PCBD2: variants seen among roughly 807,000 people sequenced by gnomAD.
PCBD2 encodes the protein pterin-4 alpha-carbinolamine dehydratase 2.
A neutral mutation model predicts 16.4 loss-of-function variants in PCBD2; 12 were observed. The observed-to-expected ratio is 0.73, with a 90% confidence interval of 0.47 to 1.19. The LOEUF (loss-of-function observed/expected upper bound fraction) is 1.19, where lower values mean the gene tolerates loss of function less well. Ranked by LOEUF, PCBD2 falls within the 50% of genes most tolerant of loss-of-function variation. PCBD2 has a pLI of 0.00. For missense variants in PCBD2, 138 were observed against 156.8 expected, an observed-to-expected ratio of 0.88 and a Z score of 0.64; for synonymous variants, 58 against 61.8, an observed-to-expected ratio of 0.94 and a Z score of 0.29.
At chr5:134,953,595 G>A (rs1410041820) in intron 2 of PCBD2, among the ~76,000 whole-genome samples, 1 of 152,094 alleles carries the variant, frequency 6.6e-6, no homozygotes, top group African/African-American at 2.4e-5. Context: ...AGGAGTTCAA[G>A]ACCAGCTGGG....
rs537081962 is a variant in PCBD2, at chr5:134,962,493, T to C, written c.*1812T>C. ...GTCTTGAATGCCTGGGCTCAAATGATCTTCCTGCCTTGACCCCCCAAAGTG... is the reference window on the plus strand; with the variant it reads ...GTCTTGAATGCCTGGGCTCAAATGACCTTCCTGCCTTGACCCCCCAAAGTG... On this transcript the variant is annotated 3_prime_UTR_variant, in exon 4 of 4. Transcript: ENST00000254908. Among the ~76,000 whole-genome samples the C allele has an allele frequency of 5.3e-5, 8 of 152,298 alleles. No individual in the cohort carries two copies. The highest frequency in any genetic ancestry group is 1.2e-4 in the Non-Finnish European group (8 of 68,020).
chr5:134,943,275 C>T (rs998890972), intron 2 of PCBD2, among the ~76,000 whole-genome samples: 8 of 152,114 alleles, frequency 5.3e-5, no homozygotes, highest in South Asian at 2.1e-4. Flanking sequence ...CTTGTGACTT[C>T]GGAGCAGTGT....
At chr5:134,945,246 C>G (rs1404081480) in intron 2 of PCBD2, among the ~76,000 whole-genome samples, 2 of 152,146 alleles carry the variant, frequency 1.3e-5, no homozygotes, top group Non-Finnish European at 2.9e-5. Context: ...TGACTTTCCT[C>G]TGATGGGATT....
intron 2 of PCBD2, among the ~76,000 whole-genome samples, chr5:134,943,867 A>G (rs1580891245): frequency 6.6e-6 from 1 of 152,358 alleles, no homozygotes; most frequent in East Asian, 1.9e-4. Context: ...AGATAATTAT[A>G]TATATTTGCC....
Position 134,959,024 on chromosome 5 carries a change from A to G in PCBD2, c.217-16A>G. 1 of 1,607,390 alleles carries G rather than the reference A, an allele frequency of 6.2e-7. No individual in the cohort carries two copies. Among genetic ancestry groups the G allele is most frequent in the Non-Finnish European group, 8.5e-7 (1 of 1,174,186 alleles). On this transcript the variant is annotated splice_polypyrimidine_tract_variant and intron_variant, in intron 2 of 3. Transcript: ENST00000254908. ...AGGACAATGTCAGTAATTACTCTTGACTTCATCTTATGCAGGCATTTGGCT... is the reference window on the plus strand; with the variant it reads ...AGGACAATGTCAGTAATTACTCTTGGCTTCATCTTATGCAGGCATTTGGCT...
intron 2 of PCBD2, among the ~76,000 whole-genome samples, chr5:134,935,270 C>T (rs531748205): frequency 6.6e-5 from 10 of 152,166 alleles, no homozygotes; most frequent in African/African-American, 1.2e-4. Flanking sequence ...CTCTGCTGCC[C>T]GTGCCTGACT....
chr5:134,924,339 G>C, intron 2 of PCBD2: 1 of 396,106 alleles, frequency 2.5e-6, no homozygotes, highest in Non-Finnish European at 4.5e-6. Flanking sequence ...TACTACAGCG[G>C]TGGCTATTGA....
intron 2 of PCBD2, among the ~76,000 whole-genome samples, chr5:134,943,276 G>A (rs982495894): frequency 3.9e-5 from 6 of 152,140 alleles, no homozygotes; most frequent in East Asian, 3.9e-4. Flanking sequence ...TTGTGACTTC[G>A]GAGCAGTGTG....
intron 1 of PCBD2, 115 bp from the exon 2 acceptor site, chr5:134,910,220 G>A (rs780122883): frequency 3.6e-6 from 4 of 1,111,912 alleles, no homozygotes; most frequent in Non-Finnish European, 5.1e-6. Context: ...ATGAAAGATG[G>A]TTAGAATTTG....
chr5:134,905,237 G>C lies in PCBD2; in HGVS notation c.84+14G>C. The C allele has an allele frequency of 1.6e-6, 2 of 1,223,516 alleles. No homozygotes were observed. Among genetic ancestry groups the C allele is most frequent in the Non-Finnish European group, 2.0e-6 (2 of 982,684 alleles). 75.8% of individuals were successfully genotyped at this position (1,223,516 alleles called of 1,614,324 possible). A position where few individuals can be genotyped will look rare whatever the true frequency, so the allele number is the denominator to read the frequency against. ...CTAGCGGCCATGGTGAGTGCACAGCGGCCGCGTGGGTGGGGGTCCGGGGTC... is the reference window on the plus strand; with the variant it reads ...CTAGCGGCCATGGTGAGTGCACAGCCGCCGCGTGGGTGGGGGTCCGGGGTC... On this transcript the variant is annotated intron_variant, in intron 1 of 3. Transcript: ENST00000254908.
At chr5:134,906,564 C>T (rs1312466871) in intron 1 of PCBD2, among the ~76,000 whole-genome samples, 1 of 152,122 alleles carries the variant, frequency 6.6e-6, no homozygotes, top group African/African-American at 2.4e-5. Context: ...AGTTGAGTGC[C>T]TACTGTCACC....
At chr5:134,906,257 G>A (rs757415086) in intron 1 of PCBD2, among the ~76,000 whole-genome samples, 18 of 134,868 alleles carry the variant, frequency 1.3e-4, no homozygotes, top group Admixed American at 2.5e-4. Flanking sequence ...AGGCTGGAGT[G>A]CAGTGGCGCG....
intron 2 of PCBD2, among the ~76,000 whole-genome samples, chr5:134,953,606 C>G (rs541168731): frequency 6.6e-6 from 1 of 152,028 alleles, no homozygotes; most frequent in African/African-American, 2.4e-5. Flanking sequence ...ACCAGCTGGG[C>G]CAACATGGCG....
chr5:134,932,984 G>A (rs1751116560), intron 2 of PCBD2, among the ~76,000 whole-genome samples: 4 of 152,034 alleles, frequency 2.6e-5, no homozygotes, highest in African/African-American at 7.2e-5. Flanking sequence ...TGAGTGGCAT[G>A]TTCAGCTGGT....
chr5:134,922,326 T>C (rs1340170035), intron 2 of PCBD2, among the ~76,000 whole-genome samples: 1 of 151,892 alleles, frequency 6.6e-6, no homozygotes, highest in Non-Finnish European at 1.5e-5. Flanking sequence ...ATTACAGGTG[T>C]GAGCCACCAC....
intron 2 of PCBD2, among the ~76,000 whole-genome samples, chr5:134,922,887 A>G (rs1750921731): frequency 6.6e-6 from 1 of 152,068 alleles, no homozygotes; most frequent in Non-Finnish European, 1.5e-5. Context: ...CGTGTTAGCC[A>G]GGATGGTCTC....
chr5:134,959,427 A>T (rs1358310062), intron 3 of PCBD2, among the ~76,000 whole-genome samples: 2 of 152,232 alleles, frequency 1.3e-5, no homozygotes, highest in African/African-American at 4.8e-5. Flanking sequence ...CTTAAGGTAA[A>T]TTATTGAAAG....
chr5:134,923,164 A>T (rs780728381), intron 2 of PCBD2: 1 of 152,398 alleles, frequency 6.6e-6, no homozygotes, highest in African/African-American at 2.4e-5. Flanking sequence ...CACAGCTAGT[A>T]AGTGTGGAGT....
intron 3 of PCBD2, 63 bp downstream of exon 3, chr5:134,959,183 C>T: frequency 8.4e-7 from 1 of 1,191,122 alleles, no homozygotes; most frequent in Non-Finnish European, 1.2e-6. Context: ...TTCTTTCTTC[C>T]TTGTCATCTT....
Sources: gnomAD v4.1 joint callset for allele counts (sites outside exome capture counted in the v4.1 genomes callset) on GRCh38, gnomAD v4.1.1 for gene constraint, MANE v1.5 for transcripts, NCBI Gene and HGNC (gene_info 2026-07-23, HGNC 2026-07-21) for gene names.